Variants in ABHD12 observed in about 807,000 individuals in gnomAD.
ABHD12 encodes abhydrolase domain containing 12, lysophospholipase, also known as lysophosphatidylserine lipase ABHD12.
Under a neutral mutation model 58.3 loss-of-function variants are expected in ABHD12, and 43 were observed. The ratio of observed to expected loss-of-function variants is 0.74; its 90% CI spans 0.58 to 0.95. The LOEUF (loss-of-function observed/expected upper bound fraction) is 0.95. ABHD12 is among the 40% of genes least tolerant of loss of function. The probability of loss-of-function intolerance (pLI) is 0.00; values close to 1 mark genes in which losing one functional copy is unlikely to be tolerated. For synonymous variants in ABHD12, 219 were observed against 211.2 expected, an observed-to-expected ratio of 1.04 and a Z score of -0.32; for missense variants, 539 against 537.2, an observed-to-expected ratio of 1.00 and a Z score of -0.03.
downstream of ABHD12, among the ~76,000 whole-genome samples, chr20:25,298,770 G>A (rs965386395): frequency 6.6e-6 from 1 of 152,152 alleles, no homozygotes; most frequent in African/African-American, 2.4e-5. Flanking sequence ...AATGAGCCTA[G>A]GGCTCTGTGC....
At chr20:25,303,527 C>T (rs1184339195) in intron 11 of ABHD12, 23 bp downstream of exon 11, 2 of 1,612,246 alleles carry the variant, frequency 1.2e-6, no homozygotes, top group Non-Finnish European at 1.7e-6. Context: ...CCAGCTACAC[C>T]AGAGGCAGAG....
intron 2 of ABHD12, among the ~76,000 whole-genome samples, chr20:25,332,702 G>T (rs879911008): frequency 1.2e-3 from 184 of 149,000 alleles, no homozygotes; most frequent in East Asian, 3.1e-3. Context: ...GCTCCTGAAT[G>T]ACTACTGGGT....
At chr20:25,361,957 A>AACAC (rs913702956) in intron 1 of ABHD12, among the ~76,000 whole-genome samples, 1 of 151,000 alleles carries the variant, frequency 6.6e-6, no homozygotes, top group South Asian at 2.1e-4. Context: ...TCCGTCTCAA[A>AACAC]ACACACACAC....
At chr20:25,296,043 G>A (rs1330802948), downstream of ABHD12, among the ~76,000 whole-genome samples, 1 of 152,170 alleles carries the variant, frequency 6.6e-6, no homozygotes, top group East Asian at 1.9e-4. Flanking sequence ...AGACTGCCTG[G>A]GCATGTCCCC....
chr20:25,331,996 A>G (rs981161693), intron 2 of ABHD12, among the ~76,000 whole-genome samples: 8 of 152,230 alleles, frequency 5.3e-5, no homozygotes, highest in Admixed American at 3.9e-4. Context: ...CTCCAATTAA[A>G]AGACACAGAC....
At chr20:25,321,345 G>A (rs988564594) in intron 3 of ABHD12, among the ~76,000 whole-genome samples, 11 of 152,256 alleles carry the variant, frequency 7.2e-5, no homozygotes, top group African/African-American at 9.6e-5. Context: ...GCAGACAGGC[G>A]ATGGCCAGGC....
At chr20:25,369,215 C>T (rs982291445) in intron 1 of ABHD12, among the ~76,000 whole-genome samples, 1 of 152,076 alleles carries the variant, frequency 6.6e-6, no homozygotes, top group African/African-American at 2.4e-5. Flanking sequence ...TAATGTTGGG[C>T]ATCTATTCAT....
rs139428317 is a variant in ABHD12, at chr20:25,346,330, T to C, written c.192-6979A>G. On this transcript the variant is annotated intron_variant, in intron 1 of 12. Transcript: ENST00000339157. The stretch of plus-strand genomic sequence containing the variant: ...CATCCAGGGATGGGGTAGGGAGGGA[T>C]GATCAGGAAGAACACAGATTTCTAG... 2.2e-4 allele frequency among the ~76,000 whole-genome samples: 34 copies of C among 152,310 alleles called. No individual in the cohort carries two copies. The East Asian group carries it at 6.6e-3, about 29-fold the overall frequency.
At chr20:25,335,812 T>TG (rs1211730043) in intron 2 of ABHD12, among the ~76,000 whole-genome samples, 3 of 83,068 alleles carry the variant, frequency 3.6e-5, no homozygotes, top group Non-Finnish European at 6.7e-5. Flanking sequence ...TGTTGTGGGG[T>TG]GGGGGGAGGG....
At chr20:25,343,893 C>T (rs530223860) in intron 1 of ABHD12, among the ~76,000 whole-genome samples, 154 of 152,162 alleles carry the variant, frequency 1.0e-3, no homozygotes, top group Admixed American at 9.4e-3. Context: ...AAAGCAAATC[C>T]AACAATGTAT....
At chr20:25,386,263 CTT>C (rs201723868) in intron 1 of ABHD12, among the ~76,000 whole-genome samples, 8 of 142,158 alleles carry the variant, frequency 5.6e-5, no homozygotes, top group Non-Finnish European at 6.2e-5. Flanking sequence ...CTTTTTCTTT[CTT>C]TTTTTTTTTT....
rs565270893 is a variant in ABHD12 at position 25,308,051 on chromosome 20, TAAAC to T, written c.788-10_788-7del. 2.9e-4 allele frequency: 462 copies of T among 1,582,840 alleles called. 3 individuals are homozygous for T. The African/African-American group carries it at 4.5e-3, about 15-fold the overall frequency. On this transcript the variant is annotated splice_polypyrimidine_tract_variant and splice_region_variant and intron_variant, in intron 8 of 12. Coordinates refer to ENST00000339157, the MANE Select transcript of ABHD12 (RefSeq NM_001042472.3). ...AAGGGCATCTGGAGGCGTCTCTAGA[TAAAC>T]AAACAGGGAACTGAGAGGTAGGCAG...
chr20:25,362,423 C>G (rs547336963), intron 1 of ABHD12, among the ~76,000 whole-genome samples: 1 of 150,016 alleles, frequency 6.7e-6, no homozygotes, highest in African/African-American at 2.5e-5. Context: ...AAAAATCAGC[C>G]GGGCGTGGTG....
chr20:25,317,808 CTT>C (rs968761182), intron 4 of ABHD12, among the ~76,000 whole-genome samples: 1 of 152,214 alleles, frequency 6.6e-6, no homozygotes, highest in African/African-American at 2.4e-5. Flanking sequence ...TCCCTTCCCT[CTT>C]TCTTTCCAGT....
intron 1 of ABHD12, among the ~76,000 whole-genome samples, chr20:25,358,108 G>C (rs766668065): frequency 3.9e-5 from 6 of 152,182 alleles, no homozygotes; most frequent in Non-Finnish European, 8.8e-5. Flanking sequence ...TCCTAATCAT[G>C]TTGGAAGTCA....
At chr20:25,363,956 C>T (rs1036153965) in intron 1 of ABHD12, among the ~76,000 whole-genome samples, 4 of 152,156 alleles carry the variant, frequency 2.6e-5, no homozygotes. Flanking sequence ...CAAAAAAAAG[C>T]TTTAGAATAA....
At chr20:25,309,005 G>A (rs1054457391) in intron 7 of ABHD12, among the ~76,000 whole-genome samples, 1 of 152,228 alleles carries the variant, frequency 6.6e-6, no homozygotes, top group Admixed American at 6.5e-5. Context: ...GGGAATGGCA[G>A]TGAAGGTCTG....
chr20:25,370,923 A>G (rs1221617628), intron 1 of ABHD12, among the ~76,000 whole-genome samples: 1 of 150,990 alleles, frequency 6.6e-6, no homozygotes, highest in Non-Finnish European at 1.5e-5. Flanking sequence ...GAGCTCAAGC[A>G]ATCCTCCTTC....
At chr20:25,322,381 A>ATATATATATATATATATATCTTTTTTT in intron 3 of ABHD12, among the ~76,000 whole-genome samples, 1 of 59,284 alleles carries the variant, frequency 1.7e-5, no homozygotes, top group Non-Finnish European at 3.2e-5. Flanking sequence ...ATATATATAT[A>ATATATATATATATATATATCTTTTTTT]TTTTTTTTTT....
Sources: gnomAD v4.1 joint callset for allele counts (sites outside exome capture counted in the v4.1 genomes callset) on GRCh38, gnomAD v4.1.1 for gene constraint, MANE v1.5 for transcripts, NCBI Gene and HGNC (gene_info 2026-07-23, HGNC 2026-07-21) for gene names.